UBE2E3: variants seen among roughly 807,000 people sequenced by gnomAD.
UBE2E3 encodes the protein ubiquitin-conjugating enzyme E2 E3.
In UBE2E3, 5 loss-of-function variants were observed where a neutral mutation model predicts 23.6. That is an observed-to-expected ratio of 0.21 (90% confidence interval 0.11 to 0.44). The LOEUF is 0.44. Ranked by LOEUF, UBE2E3 falls within the 20% of genes least tolerant of loss-of-function variation. UBE2E3 has a pLI of 0.99. For missense variants in UBE2E3, 81 were observed against 249.8 expected (o/e 0.32, Z 4.55); for synonymous variants, 78 against 87.5 (o/e 0.89, Z 0.60).
intron 3 of UBE2E3, among the ~76,000 whole-genome samples, chr2:181,007,344 G>A (rs756649587): frequency 1.3e-5 from 2 of 152,152 alleles, no homozygotes; most frequent in Non-Finnish European, 2.9e-5. Context: ...GAAGGCTAGC[G>A]TGTTTTCCAC....
chr2:181,005,065 A>C (rs1327008772), intron 3 of UBE2E3, among the ~76,000 whole-genome samples: 1 of 152,228 alleles, frequency 6.6e-6, no homozygotes, highest in Non-Finnish European at 1.5e-5. Context: ...ATTTGGTTGC[A>C]GCGGCATACA....
chr2:181,041,080 T>C (rs1686479164), intron 3 of UBE2E3, among the ~76,000 whole-genome samples: 1 of 151,702 alleles, frequency 6.6e-6, no homozygotes, highest in Non-Finnish European at 1.5e-5. Context: ...AAACCCAGTC[T>C]CTACCAAAAA....
At chr2:180,989,887 TCAG>T (rs1684604446) in intron 3 of UBE2E3, 1 of 1,544,178 alleles carries the variant, frequency 6.5e-7, no homozygotes, top group South Asian at 1.2e-5. Flanking sequence ...TTCAGGAAAA[TCAG>T]CAAGTCTTGC....
chr2:181,027,129 C>T (rs951428381), intron 3 of UBE2E3, among the ~76,000 whole-genome samples: 1 of 151,738 alleles, frequency 6.6e-6, no homozygotes, highest in Non-Finnish European at 1.5e-5. Flanking sequence ...TTGTCTGTAC[C>T]TGTGTTAAAA....
At position 181,046,468 on chromosome 2, in the gene UBE2E3, A is replaced by T. The variant is rs1574217319; in HGVS notation, c.246-11225A>T. Among the ~76,000 whole-genome samples, 9 of 152,276 alleles carry T rather than the reference A, an allele frequency of 5.9e-5. 1 individual carries two copies. In the South Asian group the frequency reaches 1.9e-3, roughly 32 times the overall value. On this transcript the variant is annotated intron_variant, in intron 3 of 5. Transcript: ENST00000410062. Reference sequence around the variant, plus strand: ...TCATGATAAACTGGGCTAGAGCTTGACACATTTATCAACTGTTAGTTGTAT... The same window carrying T: ...TCATGATAAACTGGGCTAGAGCTTGTCACATTTATCAACTGTTAGTTGTAT...
chr2:181,001,329 G>GT (rs1559116919), intron 3 of UBE2E3, among the ~76,000 whole-genome samples: 1 of 152,162 alleles, frequency 6.6e-6, no homozygotes, highest in Non-Finnish European at 1.5e-5. Flanking sequence ...CCTCCAGAAA[G>GT]TTGAGAGCTT....
chr2:181,005,478 G>GGT (rs2105598851), intron 3 of UBE2E3, among the ~76,000 whole-genome samples: 1 of 152,322 alleles, frequency 6.6e-6, no homozygotes, highest in African/African-American at 2.4e-5. Flanking sequence ...GTGCAAAGGT[G>GGT]AACTGGGTTA....
chr2:180,987,237 T>C, intron 3 of UBE2E3: 1 of 1,311,402 alleles, frequency 7.6e-7, no homozygotes, highest in East Asian at 2.5e-5. Context: ...TCAAGGGAAA[T>C]TGTGTTATGG....
chr2:181,014,161 A>C (rs548568506), intron 3 of UBE2E3, among the ~76,000 whole-genome samples: 1 of 152,202 alleles, frequency 6.6e-6, no homozygotes, highest in Non-Finnish European at 1.5e-5. Context: ...ATTCGGAGAT[A>C]GGAAATCCTG....
At chr2:180,991,602 C>T (rs1455824577) in intron 3 of UBE2E3, among the ~76,000 whole-genome samples, 1 of 152,202 alleles carries the variant, frequency 6.6e-6, no homozygotes, top group Non-Finnish European at 1.5e-5. Context: ...TGTGGCACAA[C>T]ACAAACTCAT....
At chr2:181,015,037 C>G (rs1362945536) in intron 3 of UBE2E3, among the ~76,000 whole-genome samples, 3 of 152,100 alleles carry the variant, frequency 2.0e-5, no homozygotes, top group African/African-American at 7.2e-5. Context: ...GCATTAGAGA[C>G]TGAGGTCAAT....
chr2:181,063,151 A>G lies in UBE2E3; in HGVS notation c.*263A>G, dbSNP rs1376157987. On this transcript the variant is annotated 3_prime_UTR_variant, in exon 6 of 6. Coordinates refer to ENST00000410062, the MANE Select transcript of UBE2E3 (RefSeq NM_006357.4). This position sits in a 1 kb window ranked among gnomAD's most constrained non-coding sequence, Gnocchi z 4.1. Reference sequence around the variant, plus strand: ...ATCAAAATGTATTTTGTGATGTACTAAGGATACTGGTCCTGAAGTCTACCA... The same window carrying G: ...ATCAAAATGTATTTTGTGATGTACTGAGGATACTGGTCCTGAAGTCTACCA... The G allele has an allele frequency of 8.9e-6, 2 of 224,402 alleles. No individual in the cohort carries two copies. The highest frequency in any genetic ancestry group is 8.8e-6 in the Non-Finnish European group (1 of 113,396). The allele number at this position is 224,402 out of a possible 1,614,324, so 13.9% of individuals were successfully genotyped here.
intron 3 of UBE2E3, among the ~76,000 whole-genome samples, chr2:181,006,739 C>T (rs72883577): frequency 0.23 from 35,301 of 151,884 alleles, 4,467 homozygotes; most frequent in Non-Finnish European, 0.28. Context: ...TCTCTGGGTC[C>T]TTTCATCATA....
intron 3 of UBE2E3, among the ~76,000 whole-genome samples, chr2:181,010,221 A>G (rs78412155): frequency 0.011 from 1,635 of 152,232 alleles, 22 homozygotes; most frequent in African/African-American, 0.037. Flanking sequence ...GTGGTTCTCT[A>G]TAGTTCTTTT....
intron 3 of UBE2E3, among the ~76,000 whole-genome samples, chr2:181,027,054 A>G (rs1685915347): frequency 6.6e-6 from 1 of 151,938 alleles, no homozygotes; most frequent in Non-Finnish European, 1.5e-5. Context: ...TCTTAACTTT[A>G]TTCTAACTTA....
intron 3 of UBE2E3, among the ~76,000 whole-genome samples, chr2:181,020,648 T>A (rs1254700219): frequency 6.6e-6 from 1 of 152,242 alleles, no homozygotes; most frequent in Non-Finnish European, 1.5e-5. Context: ...ACTTCTTTGT[T>A]TCTTGTGTCT....
intron 3 of UBE2E3, among the ~76,000 whole-genome samples, chr2:181,028,759 A>G (rs1323202107): frequency 6.6e-6 from 1 of 151,764 alleles, no homozygotes; most frequent in African/African-American, 2.4e-5. Flanking sequence ...GTTCTTATGT[A>G]TTGTGGATAC....
At chr2:181,034,008 A>G (rs1686179413) in intron 3 of UBE2E3, among the ~76,000 whole-genome samples, 2 of 152,342 alleles carry the variant, frequency 1.3e-5, no homozygotes, top group East Asian at 1.9e-4. Flanking sequence ...AATGGCAATC[A>G]TTAAAAAGTC....
At chr2:181,053,171 C>T (rs1413899338) in intron 3 of UBE2E3, among the ~76,000 whole-genome samples, 2 of 151,788 alleles carry the variant, frequency 1.3e-5, no homozygotes, top group Non-Finnish European at 2.9e-5. Flanking sequence ...GAGTGAATAC[C>T]TGCCAACTAC....
Sources: gnomAD v4.1 joint callset for allele counts (sites outside exome capture counted in the v4.1 genomes callset) on GRCh38, gnomAD v4.1.1 for gene constraint, Gnocchi (gnomAD v3.1) non-coding constraint, MANE v1.5 for transcripts, NCBI Gene and HGNC (gene_info 2026-07-23, HGNC 2026-07-21) for gene names.